The following CCDC91 variants were observed in gnomAD, a reference collection of about 807,000 sequenced individuals.
CCDC91 encodes coiled-coil domain-containing protein 91.
In CCDC91, 48 loss-of-function variants were observed where a neutral mutation model predicts 63.2. The ratio of observed to expected loss-of-function variants is 0.76; its 90% CI spans 0.60 to 0.97. The LOEUF (loss-of-function observed/expected upper bound fraction) is 0.97. Ranked by LOEUF, CCDC91 falls within the 50% of genes least tolerant of loss-of-function variation. CCDC91 has a pLI of 0.00. For synonymous variants in CCDC91, 167 were observed against 165.8 expected, an observed-to-expected ratio of 1.01 and a Z score of -0.06; for missense variants, 500 against 494.6, an observed-to-expected ratio of 1.01 and a Z score of -0.10.
chr12:28,287,325 G>A (rs539501671), intron 3 of CCDC91, among the ~76,000 whole-genome samples: 44 of 152,190 alleles, frequency 2.9e-4, no homozygotes, highest in Non-Finnish European at 6.0e-4. Context: ...GTCTTCCAGA[G>A]ATTTTATAGT....
intron 7 of CCDC91, among the ~76,000 whole-genome samples, chr12:28,381,742 A>T (rs1484723816): frequency 6.6e-6 from 1 of 152,136 alleles, no homozygotes; most frequent in Non-Finnish European, 1.5e-5. Flanking sequence ...ACCCAATCTG[A>T]GCTGTTGTTA....
In CCDC91 at chr12:28,422,688, T is replaced by G. The variant is rs187968924; in HGVS notation, c.763-27473T>G. 5.9e-5 allele frequency among the ~76,000 whole-genome samples: 9 copies of G among 152,268 alleles called. No individual in the cohort carries two copies. In the East Asian group the frequency reaches 1.7e-3, roughly 29 times the overall value. Reference sequence around the variant, plus strand: ...TTCTTTATTCTCCACATACAGTGAATTTAAGAGTTATTACAAAGTGACATT... The same window carrying G: ...TTCTTTATTCTCCACATACAGTGAAGTTAAGAGTTATTACAAAGTGACATT... On this transcript the variant is annotated intron_variant, in intron 8 of 12. Transcript: ENST00000536442.
At chr12:28,511,141 C>T (rs1208000825) in intron 12 of CCDC91, among the ~76,000 whole-genome samples, 1 of 151,856 alleles carries the variant, frequency 6.6e-6, no homozygotes, top group Non-Finnish European at 1.5e-5. Flanking sequence ...AATCTGTCTT[C>T]AGAATATCTC....
intron 11 of CCDC91, among the ~76,000 whole-genome samples, chr12:28,454,638 A>G (rs780069344): frequency 5.3e-5 from 8 of 152,116 alleles, no homozygotes; most frequent in Non-Finnish European, 1.2e-4. Flanking sequence ...CCCAGGCATC[A>G]GTAGTATGCC....
intron 12 of CCDC91, among the ~76,000 whole-genome samples, chr12:28,485,502 A>G (rs985673979): frequency 1.3e-5 from 2 of 151,974 alleles, no homozygotes; most frequent in Admixed American, 1.3e-4. Context: ...ATTTGGTATG[A>G]TACAAAGAAA....
intron 12 of CCDC91, among the ~76,000 whole-genome samples, chr12:28,529,900 G>A (rs1413926270): frequency 6.6e-6 from 1 of 152,050 alleles, no homozygotes; most frequent in African/African-American, 2.4e-5. Context: ...AGAAATCAGA[G>A]AAGATTTATA....
At chr12:28,485,541 GT>G (rs1951681857) in intron 12 of CCDC91, among the ~76,000 whole-genome samples, 1 of 152,058 alleles carries the variant, frequency 6.6e-6, no homozygotes, top group Non-Finnish European at 1.5e-5. Context: ...CTACAGTTAG[GT>G]TTCAACAGAG....
intron 12 of CCDC91, among the ~76,000 whole-genome samples, chr12:28,548,749 G>A (rs1943150040): frequency 6.6e-6 from 1 of 152,050 alleles, no homozygotes; most frequent in African/African-American, 2.4e-5. Flanking sequence ...ATGTTTGGTT[G>A]CGTATATACA....
chr12:28,460,773 A>C (rs1401404090), intron 11 of CCDC91, among the ~76,000 whole-genome samples: 1 of 150,858 alleles, frequency 6.6e-6, no homozygotes, highest in Non-Finnish European at 1.5e-5. Flanking sequence ...GGGATATTAT[A>C]TATAGATATA....
chr12:28,190,969 C>T (rs555060552), intron 1 of CCDC91, among the ~76,000 whole-genome samples: 29 of 152,342 alleles, frequency 1.9e-4, no homozygotes, highest in Middle Eastern at 3.4e-3. Flanking sequence ...AAGCGCCTAC[C>T]GAACGGAGAC....
At chr12:28,243,928 G>A (rs552472395) in intron 1 of CCDC91, among the ~76,000 whole-genome samples, 95 of 152,288 alleles carry the variant, frequency 6.2e-4, no homozygotes, top group Non-Finnish European at 1.2e-3. Flanking sequence ...TGAAAGCCCA[G>A]CATAATCCTG....
At chr12:28,335,379 T>G (rs1411471762) in intron 6 of CCDC91, among the ~76,000 whole-genome samples, 2 of 139,678 alleles carry the variant, frequency 1.4e-5, no homozygotes, top group Non-Finnish European at 3.1e-5. Flanking sequence ...AAAATATATA[T>G]TTATATATAA....
Position 28,484,182 on chromosome 12 carries a change from G to A in CCDC91, c.1215+17G>A, listed in dbSNP as rs1511550. The A allele has an allele frequency of 0.28, 403,587 of 1,450,330 alleles. 61,902 individuals carry two copies. The highest frequency in any genetic ancestry group is 0.32 in the Non-Finnish European group (332,622 of 1,049,828). The allele number at this position is 1,450,330 out of a possible 1,614,324, so 89.8% of individuals were successfully genotyped here. On this transcript the variant is annotated intron_variant, in intron 12 of 12. Transcript: ENST00000536442. Reference sequence around the variant, plus strand: ...CAGAAAAGGGTAAGTATCTCCTGAAGAGTTTTAATTTGTGCTTCAATAAAC... The same window carrying A: ...CAGAAAAGGGTAAGTATCTCCTGAAAAGTTTTAATTTGTGCTTCAATAAAC...
intron 12 of CCDC91, among the ~76,000 whole-genome samples, chr12:28,489,707 C>T (rs1338094986): frequency 5.9e-5 from 9 of 151,772 alleles, no homozygotes; most frequent in Non-Finnish European, 1.5e-5. Context: ...ATTTTCTTTA[C>T]TTCAAAGGTT....
intron 8 of CCDC91, among the ~76,000 whole-genome samples, chr12:28,444,552 A>G (rs565917506): frequency 1.3e-5 from 2 of 152,192 alleles, no homozygotes; most frequent in Non-Finnish European, 2.9e-5. Flanking sequence ...GCTGGAGGCT[A>G]TTACCTTTAG....
At chr12:28,347,178 A>C (rs1445457183) in intron 6 of CCDC91, among the ~76,000 whole-genome samples, 1 of 152,164 alleles carries the variant, frequency 6.6e-6, no homozygotes, top group Non-Finnish European at 1.5e-5. Flanking sequence ...ACGTTTGCAG[A>C]TTTCCTATCA....
intron 3 of CCDC91, among the ~76,000 whole-genome samples, chr12:28,278,990 C>T (rs1465461644): frequency 6.6e-6 from 1 of 151,830 alleles, no homozygotes; most frequent in African/African-American, 2.4e-5. Context: ...GTTAATTATG[C>T]ATATACGATT....
Position 28,473,318 on chromosome 12 carries a change from G to A in CCDC91, c.1102-10734G>A, listed in dbSNP as rs138974634. On this transcript the variant is annotated intron_variant, in intron 11 of 12. Coordinates refer to ENST00000536442, the MANE Select transcript of CCDC91 (RefSeq NM_018318.5). The stretch of plus-strand genomic sequence containing the variant: ...CTTCAGTTTCAGACAGAAATTAATA[G>A]AACTGACAATGGCCTAGTCAGCACA... Among the ~76,000 whole-genome samples the A allele has an allele frequency of 8.5e-5, 13 of 152,238 alleles. No homozygotes were observed. In the East Asian group the frequency reaches 2.5e-3, roughly 29 times the overall value.
intron 12 of CCDC91, among the ~76,000 whole-genome samples, chr12:28,538,150 C>A (rs1001254146): frequency 1.0e-4 from 15 of 148,718 alleles, no homozygotes; most frequent in African/African-American, 3.5e-4. Context: ...TACATGTGCA[C>A]AACGTGCAGG....
Sources: allele counts gnomAD v4.1 joint callset (sites outside exome capture counted in the v4.1 genomes callset), GRCh38; gene constraint gnomAD v4.1.1; transcripts MANE v1.5; gene names NCBI Gene and HGNC (gene_info 2026-07-23, HGNC 2026-07-21).